Variants in SLC9A9 observed in about 807,000 individuals in gnomAD.
The protein encoded by SLC9A9 is solute carrier family 9 member A9.
SLC9A9 carries 62 observed loss-of-function variants against 77.8 expected under a neutral mutation model. The observed-to-expected ratio is 0.80, with a 90% confidence interval of 0.65 to 0.98. The LOEUF (loss-of-function observed/expected upper bound fraction) is 0.98. Ranked by LOEUF, SLC9A9 falls within the 50% of genes least tolerant of loss-of-function variation. The probability of loss-of-function intolerance (pLI) is 0.00; values close to 1 mark genes in which losing one functional copy is unlikely to be tolerated. For missense variants in SLC9A9, 775 were observed against 774.9 expected, an observed-to-expected ratio of 1.00 and a Z score of 0.00; for synonymous variants, 320 against 283.5, an observed-to-expected ratio of 1.13 and a Z score of -1.29.
intron 4 of SLC9A9, among the ~76,000 whole-genome samples, chr3:143,787,807 A>G (rs1576726052): frequency 6.6e-6 from 1 of 151,892 alleles, no homozygotes; most frequent in East Asian, 1.9e-4. Context: ...ACTTAGAAAT[A>G]GTTATAAGGT....
At chr3:143,728,225 C>T (rs1276624610) in intron 4 of SLC9A9, among the ~76,000 whole-genome samples, 2 of 152,120 alleles carry the variant, frequency 1.3e-5, no homozygotes, top group Non-Finnish European at 2.9e-5. Context: ...GCAGTCATGA[C>T]TTGTGGTGAG....
chr3:143,735,935 G>A (rs1934930939), intron 4 of SLC9A9, among the ~76,000 whole-genome samples: 1 of 152,008 alleles, frequency 6.6e-6, no homozygotes, highest in African/African-American at 2.4e-5. Flanking sequence ...TTTTTTTCCA[G>A]CTTATCTGTT....
chr3:143,611,772 C>T (rs1486153091), intron 6 of SLC9A9, among the ~76,000 whole-genome samples: 1 of 152,118 alleles, frequency 6.6e-6, no homozygotes, highest in Non-Finnish European at 1.5e-5. Context: ...CTCACTCTGT[C>T]ACTCAAGTTG....
At chr3:143,658,788 G>A (rs2038935688) in intron 5 of SLC9A9, among the ~76,000 whole-genome samples, 1 of 152,184 alleles carries the variant, frequency 6.6e-6, no homozygotes, top group Non-Finnish European at 1.5e-5. Context: ...AGAAGGTCAT[G>A]CAGTTTGGAT....
chr3:143,539,664 G>A (rs1423117532), intron 9 of SLC9A9, among the ~76,000 whole-genome samples: 1 of 152,108 alleles, frequency 6.6e-6, no homozygotes, highest in East Asian at 1.9e-4. Context: ...TTATGCCATT[G>A]CCATCCTTAG....
At chr3:143,698,327 A>G (rs984583583) in intron 4 of SLC9A9, among the ~76,000 whole-genome samples, 4 of 152,202 alleles carry the variant, frequency 2.6e-5, no homozygotes, top group African/African-American at 9.7e-5. Context: ...ATTTCAACAA[A>G]TATCCAATTA....
intron 5 of SLC9A9, among the ~76,000 whole-genome samples, chr3:143,670,145 C>T (rs1395698724): frequency 1.3e-5 from 2 of 152,168 alleles, no homozygotes; most frequent in East Asian, 3.8e-4. Context: ...TGTCCATTTA[C>T]TTTGTCTTTC....
chr3:143,327,980 G>C (rs891637128), intron 14 of SLC9A9, among the ~76,000 whole-genome samples: 3 of 152,022 alleles, frequency 2.0e-5, no homozygotes, highest in Admixed American at 6.5e-5. Flanking sequence ...TGTCAACAAG[G>C]CATTTTTCTA....
rs996149854 is a variant in SLC9A9 at position 143,350,507 on chromosome 3, G to A, written c.1604+12977C>T. On this transcript the variant is annotated intron_variant, in intron 14 of 15. Transcript: ENST00000316549. ...CTCCTCCCTGGCCAACCTTATATGTGCCGAGCTGCAATCCTCACTTAACCC... is the reference window on the plus strand; with the variant it reads ...CTCCTCCCTGGCCAACCTTATATGTACCGAGCTGCAATCCTCACTTAACCC... 2.0e-5 allele frequency among the ~76,000 whole-genome samples: 3 copies of A among 152,082 alleles called. No homozygotes were observed. In the East Asian group the frequency reaches 5.8e-4, roughly 29 times the overall value.
At chr3:143,520,866 G>A (rs994098294) in intron 9 of SLC9A9, among the ~76,000 whole-genome samples, 4 of 152,246 alleles carry the variant, frequency 2.6e-5, no homozygotes, top group South Asian at 2.1e-4. Context: ...ACTGATGGCC[G>A]TTAAGATTTC....
chr3:143,450,097 T>C (rs2034976217), intron 12 of SLC9A9, among the ~76,000 whole-genome samples: 1 of 118,406 alleles, frequency 8.4e-6, no homozygotes, highest in Admixed American at 1.1e-4. Context: ...TAAATACATA[T>C]ATAATATACA....
chr3:143,344,838 T>G (rs568059914), intron 14 of SLC9A9, among the ~76,000 whole-genome samples: 1 of 144,418 alleles, frequency 6.9e-6, no homozygotes, highest in South Asian at 2.2e-4. Context: ...TTATAATTCT[T>G]TCTTGTTTTG....
chr3:143,371,932 C>A, intron 13 of SLC9A9: 3 of 372,608 alleles, frequency 8.1e-6, no homozygotes, highest in South Asian at 2.2e-5. Flanking sequence ...AGTGACCAAG[C>A]TGAGAATCAA....
chr3:143,495,496 G>T, intron 9 of SLC9A9, 48 bp from the exon 10 acceptor site: 1 of 1,379,258 alleles, frequency 7.3e-7, no homozygotes. Flanking sequence ...ACTCAGGTTT[G>T]AGTGCACTTA....
intron 13 of SLC9A9, among the ~76,000 whole-genome samples, chr3:143,370,930 G>C (rs2033045560): frequency 6.6e-6 from 1 of 151,952 alleles, no homozygotes; most frequent in Non-Finnish European, 1.5e-5. Context: ...TCCTTGACTT[G>C]CTGCCTGTAA....
intron 12 of SLC9A9, among the ~76,000 whole-genome samples, chr3:143,457,183 C>A (rs1196014505): frequency 6.6e-6 from 1 of 152,028 alleles, no homozygotes; most frequent in Non-Finnish European, 1.5e-5. Flanking sequence ...CCATGCCTGG[C>A]TAATTTTATT....
chr3:143,830,072 G>A (rs975656941), intron 2 of SLC9A9, among the ~76,000 whole-genome samples: 19 of 152,158 alleles, frequency 1.2e-4, no homozygotes, highest in African/African-American at 4.6e-4. Flanking sequence ...CAGGCTACAG[G>A]TTGTTCAGTT....
At chr3:143,310,160 A>G (rs763498193) in intron 14 of SLC9A9, among the ~76,000 whole-genome samples, 16 of 152,188 alleles carry the variant, frequency 1.1e-4, no homozygotes, top group Admixed American at 6.5e-5. Flanking sequence ...GAGGCTGTAG[A>G]GTCAACTGGA....
intron 12 of SLC9A9, among the ~76,000 whole-genome samples, chr3:143,428,914 G>A (rs373840481): frequency 3.3e-5 from 5 of 152,186 alleles, no homozygotes; most frequent in Admixed American, 6.5e-5. Context: ...GCTGCAGAGG[G>A]GTGGGGATGG....
Sources: gnomAD v4.1 joint callset for allele counts (sites outside exome capture counted in the v4.1 genomes callset) on GRCh38, gnomAD v4.1.1 for gene constraint, MANE v1.5 for transcripts, NCBI Gene and HGNC (gene_info 2026-07-23, HGNC 2026-07-21) for gene names.